Variants in RCAN2 observed in about 807,000 individuals in gnomAD.
RCAN2 encodes regulator of calcineurin 2.
A neutral mutation model predicts 23.6 loss-of-function variants in RCAN2; 9 were observed. That is an observed-to-expected ratio of 0.38 (90% CI 0.23 to 0.67). The LOEUF is 0.67. RCAN2 is among the 30% of genes least tolerant of loss of function. RCAN2 has a pLI of 0.51. For synonymous variants in RCAN2, 109 were observed against 115.7 expected (o/e 0.94, Z 0.37); for missense variants, 273 against 302.3 (o/e 0.90, Z 0.72).
chr6:46,325,692 T>C, intron 2 of RCAN2: 1 of 1,365,088 alleles, frequency 7.3e-7, no homozygotes. Context: ...GGCTCGCTCA[T>C]GGCAATGACA....
chr6:46,251,396 G>C (rs1766711293), intron 2 of RCAN2, among the ~76,000 whole-genome samples: 1 of 152,152 alleles, frequency 6.6e-6, no homozygotes, highest in Non-Finnish European at 1.5e-5. Flanking sequence ...AAGTTTTCAG[G>C]AATAGGAGAA....
chr6:46,474,579 C>T (rs372802924), intron 1 of RCAN2, among the ~76,000 whole-genome samples: 42 of 151,894 alleles, frequency 2.8e-4, no homozygotes, highest in African/African-American at 6.3e-4. Context: ...AGTGATGGTA[C>T]GTTTGGAAAG....
At chr6:46,331,530 C>G (rs973560080) in intron 2 of RCAN2, among the ~76,000 whole-genome samples, 1 of 152,162 alleles carries the variant, frequency 6.6e-6, no homozygotes, top group Non-Finnish European at 1.5e-5. Context: ...TTCCTGAGTC[C>G]TCTGACAAAT....
rs548945782 is a variant in RCAN2 at position 46,315,291 on chromosome 6, A to AGCTT, written c.226-66399_226-66396dup. Among the ~76,000 whole-genome samples, 316 of 152,278 alleles carry AGCTT rather than the reference A, an allele frequency of 2.1e-3. 1 individual carries two copies. The highest frequency in any genetic ancestry group is 3.0e-3 in the Non-Finnish European group (207 of 68,032). On this transcript the variant is annotated intron_variant, in intron 2 of 4. Transcript: ENST00000371374. Reference sequence around the variant, plus strand: ...CACAGAAAAGCCCCTGCCCTCATGAAGCTTGCATTCTGGTGAGTGGAGATA... The same window carrying AGCTT: ...CACAGAAAAGCCCCTGCCCTCATGAAGCTTGCTTGCATTCTGGTGAGTGGAGATA...
intron 2 of RCAN2, among the ~76,000 whole-genome samples, chr6:46,277,644 A>G (rs1048571569): frequency 2.0e-5 from 3 of 151,772 alleles, no homozygotes; most frequent in African/African-American, 4.8e-5. Context: ...TTTGGTCTAT[A>G]AAGAAGGAAC....
chr6:46,455,854 TA>T (rs572741888), intron 2 of RCAN2, among the ~76,000 whole-genome samples: 430 of 100,622 alleles, frequency 4.3e-3, no homozygotes, highest in Middle Eastern at 7.4e-3. Flanking sequence ...GAGATTCCGT[TA>T]AAAAAAAAAA....
Position 46,329,671 on chromosome 6 carries a change from C to G in RCAN2, c.226-80775G>C, listed in dbSNP as rs1289020720. On this transcript the variant is annotated intron_variant, in intron 2 of 4. Coordinates refer to ENST00000371374, the MANE Select transcript of RCAN2 (RefSeq NM_001251974.2). ...AAAGGCATGGTGAGTTCGGTGATAACCTCTCATCTCTGAGAGCTGAGTCCT... is the reference window on the plus strand; with the variant it reads ...AAAGGCATGGTGAGTTCGGTGATAAGCTCTCATCTCTGAGAGCTGAGTCCT... Among the ~76,000 whole-genome samples, 4 of 152,096 alleles carry G rather than the reference C, an allele frequency of 2.6e-5. No homozygotes were observed. The East Asian group carries it at 5.8e-4, about 22-fold the overall frequency.
At chr6:46,457,635 T>C (rs970527048) in intron 1 of RCAN2, among the ~76,000 whole-genome samples, 3 of 152,172 alleles carry the variant, frequency 2.0e-5, no homozygotes, top group Non-Finnish European at 2.9e-5. Flanking sequence ...TAGTTCATCC[T>C]GTGAGAGTAC....
chr6:46,392,900 G>A (rs1319963557), intron 2 of RCAN2, among the ~76,000 whole-genome samples: 1 of 152,152 alleles, frequency 6.6e-6, no homozygotes, highest in Admixed American at 6.5e-5. Context: ...TTTTAAAGTG[G>A]TAGGTGCCAA....
intron 2 of RCAN2, among the ~76,000 whole-genome samples, chr6:46,437,442 T>C (rs1405772150): frequency 6.6e-6 from 1 of 152,216 alleles, no homozygotes; most frequent in East Asian, 1.9e-4. Flanking sequence ...TCTTGAAATG[T>C]TTAAAAATTG....
chr6:46,320,303 A>G (rs747534866), intron 2 of RCAN2, among the ~76,000 whole-genome samples: 3 of 152,180 alleles, frequency 2.0e-5, no homozygotes, highest in Non-Finnish European at 4.4e-5. Context: ...AACAAGTGAC[A>G]CATACTAAAT....
At chr6:46,467,017 C>G (rs1472621805) in intron 1 of RCAN2, among the ~76,000 whole-genome samples, 1 of 152,196 alleles carries the variant, frequency 6.6e-6, no homozygotes, top group African/African-American at 2.4e-5. Context: ...ATACCCCGCT[C>G]TCAGCCCAGC....
At chr6:46,391,654 C>A (rs1236747551) in intron 2 of RCAN2, among the ~76,000 whole-genome samples, 1 of 152,158 alleles carries the variant, frequency 6.6e-6, no homozygotes, top group Non-Finnish European at 1.5e-5. Context: ...ATCCTAAGGT[C>A]TGCTGTGGGC....
At chr6:46,491,560 T>C (rs993382569), upstream of RCAN2, among the ~76,000 whole-genome samples, 1 of 151,964 alleles carries the variant, frequency 6.6e-6, no homozygotes, top group Non-Finnish European at 1.5e-5. Flanking sequence ...CGAAAGCCCC[T>C]GTCTGGCCTC....
At chr6:46,346,646 A>G (rs993476395) in intron 2 of RCAN2, among the ~76,000 whole-genome samples, 9 of 152,096 alleles carry the variant, frequency 5.9e-5, no homozygotes, top group Non-Finnish European at 1.2e-4. Context: ...AAATATTTAT[A>G]TAGTCAGATC....
chr6:46,263,505 G>GTGTA (rs1561833973), intron 2 of RCAN2, among the ~76,000 whole-genome samples: 9 of 110,740 alleles, frequency 8.1e-5, no homozygotes, highest in African/African-American at 1.3e-4. Context: ...ATGTGTGTAT[G>GTGTA]TGTGTGTATG....
chr6:46,294,095 T>A (rs1339181679), intron 2 of RCAN2, among the ~76,000 whole-genome samples: 1 of 152,154 alleles, frequency 6.6e-6, no homozygotes, highest in African/African-American at 2.4e-5. Flanking sequence ...TAGGGAATGA[T>A]ACAGGATTTT....
intron 1 of RCAN2, among the ~76,000 whole-genome samples, chr6:46,476,572 T>C (rs985829041): frequency 6.6e-6 from 1 of 152,198 alleles, no homozygotes; most frequent in Non-Finnish European, 1.5e-5. Flanking sequence ...TGCTGTGATA[T>C]TGTGATATAA....
intron 2 of RCAN2, among the ~76,000 whole-genome samples, chr6:46,366,380 G>C (rs1765172217): frequency 6.6e-6 from 1 of 152,080 alleles, no homozygotes; most frequent in South Asian, 2.1e-4. Flanking sequence ...CCATTTCTCT[G>C]AGGCCCCTCC....
Sources: allele counts gnomAD v4.1 joint callset (sites outside exome capture counted in the v4.1 genomes callset), GRCh38; gene constraint gnomAD v4.1.1; transcripts MANE v1.5; gene names NCBI Gene and HGNC (gene_info 2026-07-23, HGNC 2026-07-21).